CACNA2D2: variants seen among roughly 807,000 people sequenced by gnomAD.
The protein encoded by CACNA2D2 is calcium voltage-gated channel auxiliary subunit alpha2delta 2.
A neutral mutation model predicts 166.4 loss-of-function variants in CACNA2D2; 48 were observed. That is an observed-to-expected ratio of 0.29 (90% CI 0.23 to 0.37). The LOEUF is 0.37. CACNA2D2 is among the 10% of genes least tolerant of loss of function. The pLI, the probability that CACNA2D2 is intolerant of heterozygous loss-of-function variation, is 1.00. For synonymous variants in CACNA2D2, 561 were observed against 573.7 expected (o/e 0.98, Z 0.32); for missense variants, 1,122 against 1,433.0 (o/e 0.78, Z 3.50).
chr3:50,435,994 C>T (rs1432311010), intron 2 of CACNA2D2, among the ~76,000 whole-genome samples: 1 of 152,148 alleles, frequency 6.6e-6, no homozygotes, highest in Admixed American at 6.5e-5. Context: ...GTGTTAGAGA[C>T]ACAGGGTGAG....
At chr3:50,403,314 G>A (rs1031480027) in intron 3 of CACNA2D2, among the ~76,000 whole-genome samples, 3 of 152,058 alleles carry the variant, frequency 2.0e-5, no homozygotes, top group Non-Finnish European at 2.9e-5. Flanking sequence ...CACTCCAGGG[G>A]CCTCCTGACT....
intron 2 of CACNA2D2, among the ~76,000 whole-genome samples, chr3:50,440,281 G>T (rs920065225): frequency 1.3e-5 from 2 of 152,252 alleles, no homozygotes; most frequent in Non-Finnish European, 2.9e-5. Flanking sequence ...TAGGGCAAGG[G>T]GCCCCTGGAG....
chr3:50,411,778 T>C (rs1399897713), intron 3 of CACNA2D2, among the ~76,000 whole-genome samples: 1 of 152,174 alleles, frequency 6.6e-6, no homozygotes, highest in Non-Finnish European at 1.5e-5. Context: ...TGGTCACACC[T>C]GTGTGACCAG....
chr3:50,368,507 G>A (rs924804845), intron 23 of CACNA2D2, among the ~76,000 whole-genome samples: 2 of 152,150 alleles, frequency 1.3e-5, no homozygotes, highest in African/African-American at 2.4e-5. Context: ...CCGTCTCTCC[G>A]GTGTAGCTGG....
intron 3 of CACNA2D2, among the ~76,000 whole-genome samples, chr3:50,401,851 C>T (rs1183685724): frequency 1.3e-5 from 2 of 152,044 alleles, no homozygotes; most frequent in Non-Finnish European, 2.9e-5. Context: ...TACAGGCGCC[C>T]ACCACCACGC....
At chr3:50,371,913 G>C (rs1002369601) in intron 22 of CACNA2D2, among the ~76,000 whole-genome samples, 2 of 152,110 alleles carry the variant, frequency 1.3e-5, no homozygotes, top group African/African-American at 4.8e-5. Flanking sequence ...AAGCCAGTGG[G>C]AGTAGGGCAC....
At chr3:50,483,548 T>TC (rs1229979778) in intron 1 of CACNA2D2, among the ~76,000 whole-genome samples, 2 of 152,186 alleles carry the variant, frequency 1.3e-5, no homozygotes, top group Non-Finnish European at 2.9e-5. Context: ...CAGTGAGCCA[T>TC]CATCCGGCAT....
intron 1 of CACNA2D2, among the ~76,000 whole-genome samples, chr3:50,490,379 T>C (rs563787147): frequency 5.3e-5 from 8 of 152,140 alleles, no homozygotes; most frequent in Non-Finnish European, 1.0e-4. Flanking sequence ...CACAGTTCTG[T>C]ACCTTGGCTC....
Position 50,380,665 on chromosome 3 carries a change from T to C in CACNA2D2, c.842+83A>G. The C allele has an allele frequency of 1.3e-5, 15 of 1,156,628 alleles. No homozygotes were observed. The highest frequency in any genetic ancestry group is 1.8e-5 in the Non-Finnish European group (15 of 837,780). The allele number at this position is 1,156,628 out of a possible 1,614,324, so 71.6% of individuals were successfully genotyped here. ...GCTGGCTGCGCCCTGCTAGGAGGCT[T>C]GGAAATGGGGAGGGAGGGGAGCAGG... On this transcript the variant is annotated intron_variant, in intron 8 of 37. Transcript: ENST00000424201. This position sits in a 1 kb window ranked among gnomAD's most constrained non-coding sequence, Gnocchi z 4.9.
At chr3:50,423,897 C>T in intron 3 of CACNA2D2, among the ~76,000 whole-genome samples, 1 of 152,236 alleles carries the variant, frequency 6.6e-6, no homozygotes, top group Non-Finnish European at 1.5e-5. Flanking sequence ...TGGCAGGAGG[C>T]CCTGCAGCCC....
In CACNA2D2 at chr3:50,479,316, C is replaced by A. The variant is rs144025509; in HGVS notation, c.207-3117G>T. ...GTCCTCCCAAGGTCTAGAGGTGGCT[C>A]CAGCCCTTTGCCTGGCATCCTGGAC... is the stretch of plus-strand genomic sequence containing the variant. On this transcript the variant is annotated intron_variant, in intron 1 of 37. Transcript: ENST00000424201. 1.7e-3 allele frequency among the ~76,000 whole-genome samples: 266 copies of A among 152,304 alleles called. 1 individual carries two copies. Among genetic ancestry groups the A allele is most frequent in the South Asian group, 0.014 (69 of 4,824 alleles).
At chr3:50,416,952 G>T (rs1449825795) in intron 3 of CACNA2D2, among the ~76,000 whole-genome samples, 1 of 152,216 alleles carries the variant, frequency 6.6e-6, no homozygotes, top group African/African-American at 2.4e-5. Flanking sequence ...CCATTCACGT[G>T]TGTGTGCATG....
chr3:50,450,636 CT>C (rs139453136), intron 2 of CACNA2D2, among the ~76,000 whole-genome samples: 12,266 of 152,254 alleles, frequency 0.081, 674 homozygotes, highest in Middle Eastern at 0.19. Context: ...TGCCTCCAAT[CT>C]TCTTTTATTT....
intron 1 of CACNA2D2, among the ~76,000 whole-genome samples, chr3:50,501,369 C>G (rs929445061): frequency 6.6e-6 from 1 of 151,330 alleles, no homozygotes; most frequent in South Asian, 2.1e-4. Context: ...ACCCTCAGAG[C>G]GGCACAGCCC....
At position 50,427,082 on chromosome 3, in the gene CACNA2D2, C is replaced by A. The variant is rs568452091; in HGVS notation, c.405+7231G>T. Among the ~76,000 whole-genome samples, 3 of 152,324 alleles carry A rather than the reference C, an allele frequency of 2.0e-5. No individual in the cohort carries two copies. Among genetic ancestry groups the A allele is most frequent in the African/African-American group, 7.2e-5 (3 of 41,570 alleles). ...GTAGCGTCTTTGCCCAAGGCTCACG[C>A]TGACCCCAGGGACACTTGGGTTTAC... On this transcript the variant is annotated intron_variant, in intron 3 of 37. Coordinates refer to ENST00000424201, the MANE Select transcript of CACNA2D2 (RefSeq NM_006030.4). This position sits in a 1 kb window ranked among gnomAD's most constrained non-coding sequence, Gnocchi z 4.7.
intron 3 of CACNA2D2, among the ~76,000 whole-genome samples, chr3:50,411,912 C>A (rs1347716363): frequency 1.3e-5 from 2 of 152,240 alleles, no homozygotes; most frequent in African/African-American, 4.8e-5. Flanking sequence ...GCTCCCAGAC[C>A]CTGCTCCTAG....
chr3:50,412,250 C>T (rs1707052684), intron 3 of CACNA2D2, among the ~76,000 whole-genome samples: 1 of 152,260 alleles, frequency 6.6e-6, no homozygotes, highest in Non-Finnish European at 1.5e-5. Flanking sequence ...CCCACAACCC[C>T]CACATCTGGG....
intron 4 of CACNA2D2, among the ~76,000 whole-genome samples, chr3:50,388,203 C>T (rs587712587): frequency 3.5e-4 from 54 of 152,314 alleles, no homozygotes; most frequent in Non-Finnish European, 7.3e-4. Flanking sequence ...GCTTGCCAGT[C>T]GCCTGGGTTC....
intron 3 of CACNA2D2, among the ~76,000 whole-genome samples, chr3:50,423,068 G>C (rs1015522644): frequency 3.9e-5 from 6 of 152,172 alleles, no homozygotes; most frequent in Admixed American, 3.9e-4. Context: ...CTCAGTGCCA[G>C]TCACCAACCA....
Sources: allele counts gnomAD v4.1 joint callset (sites outside exome capture counted in the v4.1 genomes callset), GRCh38; gene constraint gnomAD v4.1.1; non-coding constraint Gnocchi (gnomAD v3.1); transcripts MANE v1.5; gene names NCBI Gene and HGNC (gene_info 2026-07-23, HGNC 2026-07-21).